OTUD3: variants seen among roughly 807,000 people sequenced by gnomAD.
OTUD3 encodes OTU deubiquitinase 3.
OTUD3 carries 24 observed loss-of-function variants against 46.2 expected under a neutral mutation model. The ratio of observed to expected loss-of-function variants is 0.52; its 90% confidence interval spans 0.38 to 0.73. OTUD3 has a LOEUF of 0.73. Ranked by LOEUF, OTUD3 falls within the 30% of genes least tolerant of loss-of-function variation. The pLI is 0.00. For missense variants in OTUD3, 455 were observed against 523.3 expected (o/e 0.87, Z 1.27); for synonymous variants, 189 against 195.4 (o/e 0.97, Z 0.27).
At chr1:19,886,548 C>A (rs918907084) in intron 1 of OTUD3, among the ~76,000 whole-genome samples, 1 of 152,058 alleles carries the variant, frequency 6.6e-6, no homozygotes, top group Admixed American at 6.6e-5. Context: ...CAATTCAGGG[C>A]CTGGGCTCTC....
chr1:19,887,379 C>G (rs930103167), intron 1 of OTUD3, among the ~76,000 whole-genome samples: 1 of 152,094 alleles, frequency 6.6e-6, no homozygotes, highest in Non-Finnish European at 1.5e-5. Flanking sequence ...CCACCGCACC[C>G]GGCTGATGAT....
intron 1 of OTUD3, among the ~76,000 whole-genome samples, chr1:19,887,826 G>A (rs911597887): frequency 2.6e-5 from 4 of 152,090 alleles, no homozygotes; most frequent in African/African-American, 9.7e-5. Context: ...ATGGTACCCA[G>A]TACCCTATCT....
At chr1:19,906,328 T>C in intron 6 of OTUD3, 104 bp from the exon 7 acceptor site, 3 of 972,028 alleles carry the variant, frequency 3.1e-6, no homozygotes, top group Non-Finnish European at 4.4e-6. Flanking sequence ...TTACTTCCCT[T>C]ATGACTGAAG....
intron 1 of OTUD3, among the ~76,000 whole-genome samples, chr1:19,887,830 C>T (rs539096026): frequency 7.7e-4 from 117 of 152,240 alleles, no homozygotes; most frequent in African/African-American, 2.8e-3. Context: ...TACCCAGTAC[C>T]CTATCTGGTC....
At chr1:19,888,288 A>AAC (rs2045398686) in intron 1 of OTUD3, among the ~76,000 whole-genome samples, 1 of 152,180 alleles carries the variant, frequency 6.6e-6, no homozygotes, top group South Asian at 2.1e-4. Flanking sequence ...TAATGGTGAG[A>AAC]GTGTGAACTC....
Position 19,904,366 on chromosome 1 carries a change from G to T in OTUD3, c.706G>T (p.Val236Phe), listed in dbSNP as rs780985847. The change falls in exon 5 of 8, where the codon GTC (valine) becomes TTC (phenylalanine). Residue 236 changes from valine (V) to phenylalanine (F), a missense_variant. Coordinates refer to ENST00000375120, the MANE Select transcript of OTUD3 (RefSeq NM_015207.2). ...CCTGAGAGATGAAGTAGAGGATGCT[G>T]TCCAGAAAGTTTGTAATGCAACTGG... is the stretch of plus-strand genomic sequence containing the variant. ...DDLRDEVEDA[V>F]QKVCNATGCS... The T allele has an allele frequency of 6.2e-7, 1 of 1,612,536 alleles. No homozygotes were observed. The highest frequency in any genetic ancestry group is 1.3e-5 in the African/African-American group (1 of 74,870).
rs781247080 is a variant in OTUD3 at position 19,906,462 on chromosome 1, G to C, written c.866G>C (p.Arg289Pro). Residue 289 changes from arginine to proline, a missense_variant, in exon 7 of 8, where the codon CGA (arginine) becomes CCA (proline). Arg to Pro is a moderately radical substitution (Grantham distance 103). Transcript: ENST00000375120. ...NAEENLEPSGRVLKQCGPLWE... is the reference protein window; with the variant it reads ...NAEENLEPSGPVLKQCGPLWE... ...GAAGAGAATCTTGAGCCCAGTGGTC[G>C]AGTGCTGAAGCAGTGTGGCCCTTTG... 1 of 1,613,878 alleles carries C rather than the reference G, an allele frequency of 6.2e-7. No individual in the cohort carries two copies. The highest frequency in any genetic ancestry group is 8.5e-7 in the Non-Finnish European group (1 of 1,179,942).
chr1:19,896,782 C>T (rs755329511), intron 3 of OTUD3, among the ~76,000 whole-genome samples: 19 of 152,274 alleles, frequency 1.2e-4, no homozygotes, highest in Admixed American at 9.8e-4. Flanking sequence ...ATTTGGGGTA[C>T]GCCCAGACCT....
intron 4 of OTUD3, among the ~76,000 whole-genome samples, chr1:19,903,310 C>T (rs563145644): frequency 3.1e-4 from 47 of 152,186 alleles, no homozygotes; most frequent in Middle Eastern, 3.4e-3. Flanking sequence ...CATCAGCCTC[C>T]CAAAGTGCTG....
At position 19,897,659 on chromosome 1, in the gene OTUD3, G is replaced by A. The variant is rs61769077; in HGVS notation, c.603G>A (p.Thr201=). 0.051 allele frequency: 82,236 copies of A among 1,611,648 alleles called. 2,335 individuals are homozygous for A. Among genetic ancestry groups the A allele is most frequent in the Middle Eastern group, 0.077 (462 of 6,036 alleles). ...CAGAGGCACCTGCACATCTCCAGAC[G>A]GATGTGAGTGAGGCCTCGGATTTCT... is the stretch of plus-strand genomic sequence containing the variant. ...DNSEAPAHLQ[T]DFQMLHQDES... Residue 201 remains threonine, a synonymous_variant, in exon 4 of 8, where the codon ACG becomes ACA. Transcript: ENST00000375120.
chr1:19,888,965 C>T (rs1433191660), intron 1 of OTUD3, among the ~76,000 whole-genome samples: 1 of 152,116 alleles, frequency 6.6e-6, no homozygotes, highest in African/African-American at 2.4e-5. Flanking sequence ...TGTAGAATAC[C>T]ATGAATTTTG....
Position 19,904,213 on chromosome 1 carries a change from T to G in OTUD3, c.607-54T>G, listed in dbSNP as rs560515252. On this transcript the variant is annotated intron_variant, in intron 4 of 7. Coordinates refer to ENST00000375120, the MANE Select transcript of OTUD3 (RefSeq NM_015207.2). ...TTAGAGTGTCTTGTGTTAAAGATTC[T>G]GAACATAGTTTGATTCTCAACATAG... 1.5e-5 allele frequency: 21 copies of G among 1,434,198 alleles called. No individual in the cohort carries two copies. The Admixed American group carries it at 3.6e-4, about 25-fold the overall frequency. The allele number at this position is 1,434,198 out of a possible 1,614,324, so 88.8% of individuals were successfully genotyped here. A position where few individuals can be genotyped will look rare whatever the true frequency, so the allele number is the denominator to read the frequency against.
chr1:19,898,383 T>C (rs1434427338), intron 4 of OTUD3, among the ~76,000 whole-genome samples: 1 of 152,204 alleles, frequency 6.6e-6, no homozygotes, highest in Non-Finnish European at 1.5e-5. Context: ...ATTTAATGCA[T>C]TAAAACATGG....
rs759460355 is a variant in OTUD3, at chr1:19,897,526, T to C, written c.484-14T>C. The C allele has an allele frequency of 1.9e-6, 3 of 1,613,666 alleles. No homozygotes were observed. The South Asian group carries it at 3.3e-5, about 18-fold the overall frequency. On this transcript the variant is annotated splice_polypyrimidine_tract_variant and intron_variant, in intron 3 of 7. Coordinates refer to ENST00000375120, the MANE Select transcript of OTUD3 (RefSeq NM_015207.2). ...TCAGATCCTCACTGGCATGGCCCCT[T>C]CTTTTGTCTACAGATTCGTGGTACA...
intron 4 of OTUD3, among the ~76,000 whole-genome samples, chr1:19,902,472 T>C (rs139940375): frequency 0.11 from 16,592 of 152,270 alleles, 1,043 homozygotes; most frequent in Admixed American, 0.15. Context: ...CCCAAAGTGC[T>C]GGGATTACAG....
intron 4 of OTUD3, among the ~76,000 whole-genome samples, chr1:19,899,746 C>T (rs1003266136): frequency 9.9e-5 from 15 of 152,212 alleles, no homozygotes; most frequent in Admixed American, 9.2e-4. Context: ...CGGTGCACTT[C>T]GTCAACATAG....
At chr1:19,892,740 C>T (rs987309551) in intron 2 of OTUD3, among the ~76,000 whole-genome samples, 4 of 152,178 alleles carry the variant, frequency 2.6e-5, no homozygotes, top group Non-Finnish European at 5.9e-5. Context: ...AGATTTCCTC[C>T]ATACTGTTCG....
intron 4 of OTUD3, chr1:19,897,946 C>T: frequency 1.0e-5 from 2 of 199,786 alleles, no homozygotes; most frequent in South Asian, 1.3e-4. Flanking sequence ...TTAATCCACA[C>T]CTTTTTTTTT....
chr1:19,897,925 A>T (rs1571173862), intron 4 of OTUD3: 1 of 234,378 alleles, frequency 4.3e-6, no homozygotes, highest in Non-Finnish European at 8.1e-6. Context: ...AATTATTTTT[A>T]TGTTTTAAAA....
Sources: gnomAD v4.1 joint callset for allele counts (sites outside exome capture counted in the v4.1 genomes callset) on GRCh38, gnomAD v4.1.1 for gene constraint, MANE v1.5 for transcripts, NCBI Gene and HGNC (gene_info 2026-07-23, HGNC 2026-07-21) for gene names.